PRLR: variants seen among roughly 807,000 people sequenced by gnomAD.
PRLR encodes hPRL receptor.
Under a neutral mutation model 40.2 loss-of-function variants are expected in PRLR, and 13 were observed. That is an observed-to-expected ratio of 0.32 (90% CI 0.21 to 0.51). PRLR has a LOEUF of 0.51. PRLR is among the 20% of genes least tolerant of loss of function. PRLR has a pLI of 0.97. For missense variants in PRLR, 656 were observed against 747.3 expected, an observed-to-expected ratio of 0.88 and a Z score of 1.42; for synonymous variants, 269 against 278.7, an observed-to-expected ratio of 0.97 and a Z score of 0.35.
rs148103982 is a variant in PRLR, at chr5:35,122,478, C to T, written c.-105-4356G>A. 3.9e-3 allele frequency among the ~76,000 whole-genome samples: 601 copies of T among 152,302 alleles called. 1 individual carries two copies. The highest frequency in any genetic ancestry group is 6.0e-3 in the Non-Finnish European group (406 of 68,026). Reference sequence around the variant, plus strand: ...CCATGTGTTCTCATCGTTCAGCTCCCACTTATAAGTGAGAACATGCGGTGT... The same window carrying T: ...CCATGTGTTCTCATCGTTCAGCTCCTACTTATAAGTGAGAACATGCGGTGT... On this transcript the variant is annotated intron_variant, in intron 1 of 9. Transcript: ENST00000618457.
intron 1 of PRLR, among the ~76,000 whole-genome samples, chr5:35,208,177 GCACA>G (rs1281536944): frequency 3.8e-4 from 33 of 87,238 alleles, no homozygotes; most frequent in East Asian, 2.5e-3. Flanking sequence ...CCACGCGCGC[GCACA>G]CACACACACA....
At chr5:35,070,076 T>C in intron 7 of PRLR, 48 bp downstream of exon 7, 1 of 1,575,542 alleles carries the variant, frequency 6.3e-7, no homozygotes, top group Non-Finnish European at 8.6e-7. Flanking sequence ...AAATATACCA[T>C]TTAAAACATA....
intron 1 of PRLR, among the ~76,000 whole-genome samples, chr5:35,135,832 C>T (rs1773840322): frequency 6.6e-6 from 1 of 152,200 alleles, no homozygotes; most frequent in Non-Finnish European, 1.5e-5. Flanking sequence ...ACTGGCCTTC[C>T]TCATCCCATG....
At chr5:35,145,159 A>C (rs1774145769) in intron 1 of PRLR, among the ~76,000 whole-genome samples, 1 of 152,170 alleles carries the variant, frequency 6.6e-6, no homozygotes, top group South Asian at 2.1e-4. Flanking sequence ...ATTGATTTTC[A>C]CAAACGTTTT....
chr5:35,071,679 T>A (rs939353557), intron 6 of PRLR, among the ~76,000 whole-genome samples: 9 of 150,272 alleles, frequency 6.0e-5, no homozygotes, highest in African/African-American at 2.2e-4. Context: ...CCCACTGAAA[T>A]CTCTGCCTCC....
chr5:35,171,618 AT>A (rs1774999458), intron 1 of PRLR, among the ~76,000 whole-genome samples: 1 of 152,054 alleles, frequency 6.6e-6, no homozygotes, highest in African/African-American at 2.4e-5. Context: ...TGGGGAGGGG[AT>A]TTAGGAAGAA....
chr5:35,067,992 T>C (rs893613995), intron 9 of PRLR, among the ~76,000 whole-genome samples: 5 of 152,252 alleles, frequency 3.3e-5, no homozygotes, highest in Admixed American at 6.5e-5. Flanking sequence ...TGTTTCCATG[T>C]TTTCTTGGCT....
chr5:35,116,983 G>T (rs187465118), intron 2 of PRLR, among the ~76,000 whole-genome samples: 1 of 152,182 alleles, frequency 6.6e-6, no homozygotes, highest in South Asian at 2.1e-4. Flanking sequence ...CTGTTGGGGG[G>T]AGTTTTGTCC....
At chr5:35,080,723 C>T (rs1770453706) in intron 5 of PRLR, among the ~76,000 whole-genome samples, 1 of 152,026 alleles carries the variant, frequency 6.6e-6, no homozygotes, top group Non-Finnish European at 1.5e-5. Context: ...AATAATGCTG[C>T]CATAAAGACA....
Position 35,062,548 on chromosome 5 carries a change from A to T in PRLR, c.*2541T>A, listed in dbSNP as rs553232272. On this transcript the variant is annotated 3_prime_UTR_variant, in exon 10 of 10. Coordinates refer to ENST00000618457, the MANE Select transcript of PRLR (RefSeq NM_000949.7). ...GTGGCTAATTGTTTTTTAGGGATTT[A>T]ATTCAAGTCCTTAGCTGTCACATTT... 6.6e-6 allele frequency: 1 copy of T among 152,206 alleles called. No homozygotes were observed. The highest frequency in any genetic ancestry group is 2.4e-5 in the African/African-American group (1 of 41,546). The allele number at this position is 152,206 out of a possible 1,614,324, so 9.4% of individuals were successfully genotyped here.
At chr5:35,051,990 A>C (rs1242768106), downstream of PRLR, among the ~76,000 whole-genome samples, 3 of 152,216 alleles carry the variant, frequency 2.0e-5, no homozygotes, top group Non-Finnish European at 4.4e-5. Flanking sequence ...GAAAAGAATA[A>C]TTTATTTGGA....
intron 1 of PRLR, among the ~76,000 whole-genome samples, chr5:35,186,021 A>G (rs552203001): frequency 6.6e-6 from 1 of 152,164 alleles, no homozygotes; most frequent in African/African-American, 2.4e-5. Context: ...GACAGTCGCC[A>G]TATATGGATC....
chr5:35,122,725 A>G (rs1264947414), intron 1 of PRLR, among the ~76,000 whole-genome samples: 1 of 152,248 alleles, frequency 6.6e-6, no homozygotes, highest in Non-Finnish European at 1.5e-5. Flanking sequence ...GAGCTCTTGA[A>G]TGAAAAGGAA....
At chr5:35,071,621 C>T (rs1010431192) in intron 6 of PRLR, among the ~76,000 whole-genome samples, 3 of 151,918 alleles carry the variant, frequency 2.0e-5, no homozygotes, top group Non-Finnish European at 2.9e-5. Context: ...TTTTTTGAGA[C>T]GGAGTCGCTC....
chr5:35,180,349 C>G (rs1030785317), intron 1 of PRLR, among the ~76,000 whole-genome samples: 11 of 152,146 alleles, frequency 7.2e-5, no homozygotes, highest in African/African-American at 2.7e-4. Context: ...TCCCTTGGTG[C>G]TCTCTTCGTG....
chr5:35,183,552 C>T lies in PRLR; in HGVS notation c.-106+46716G>A, dbSNP rs77077161. Among the ~76,000 whole-genome samples the T allele has an allele frequency of 2.6e-3, 396 of 152,232 alleles. 1 individual carries two copies. Among genetic ancestry groups the T allele is most frequent in the African/African-American group, 9.2e-3 (381 of 41,530 alleles). ...TGGGGCCAGAGAGTGTGGCATGATC[C>T]GAGGTCCTGAGTCTCTCTCTCAATG... On this transcript the variant is annotated intron_variant, in intron 1 of 9. Coordinates refer to ENST00000618457, the MANE Select transcript of PRLR (RefSeq NM_000949.7).
At chr5:35,054,869 C>T (rs1579537592), downstream of PRLR, among the ~76,000 whole-genome samples, 1 of 152,028 alleles carries the variant, frequency 6.6e-6, no homozygotes, top group East Asian at 1.9e-4. Flanking sequence ...TTAAAAATAG[C>T]TGGGAAGGAT....
intron 1 of PRLR, among the ~76,000 whole-genome samples, chr5:35,131,418 T>C (rs919355856): frequency 1.3e-5 from 2 of 152,076 alleles, no homozygotes; most frequent in African/African-American, 4.8e-5. Context: ...GAGGGTCTAG[T>C]GGTGGCGGGC....
intron 4 of PRLR, among the ~76,000 whole-genome samples, chr5:35,085,908 C>A (rs1360413759): frequency 6.6e-6 from 1 of 152,028 alleles, no homozygotes; most frequent in East Asian, 1.9e-4. Context: ...GGGACCCAAG[C>A]AAGTGATGAA....
Sources: allele counts gnomAD v4.1 joint callset (sites outside exome capture counted in the v4.1 genomes callset), GRCh38; gene constraint gnomAD v4.1.1; transcripts MANE v1.5; gene names NCBI Gene and HGNC (gene_info 2026-07-23, HGNC 2026-07-21).